Variants in HMGCLL1 observed in about 807,000 individuals in gnomAD.
The protein encoded by HMGCLL1 is 3-hydroxymethyl-3-methylglutaryl-CoA lyase, cytoplasmic.
In HMGCLL1, 36 loss-of-function variants were observed where a neutral mutation model predicts 39.1. That is an observed-to-expected ratio of 0.92 (90% CI 0.71 to 1.22). The LOEUF is 1.22. HMGCLL1 is among the 50% of genes most tolerant of loss of function. The probability of loss-of-function intolerance (pLI) is 0.00; values close to 1 mark genes in which losing one functional copy is unlikely to be tolerated. For synonymous variants in HMGCLL1, 149 were observed against 144.0 expected (o/e 1.03, Z -0.25); for missense variants, 451 against 416.5 (o/e 1.08, Z -0.72).
chr6:55,653,116 A>G, the HMGCLL1 span, among the ~76,000 whole-genome samples: 3 of 152,094 alleles, frequency 2.0e-5, no homozygotes, highest in East Asian at 3.9e-4. Context: ...ATTCCATATT[A>G]TATCATTATC....
At chr6:55,459,842 G>T (rs1764480728) in intron 7 of HMGCLL1, among the ~76,000 whole-genome samples, 1 of 151,760 alleles carries the variant, frequency 6.6e-6, no homozygotes, top group African/African-American at 2.4e-5. Context: ...TATATAGGTA[G>T]GTAAATATAT....
At chr6:55,458,566 A>T (rs2127394181) in intron 7 of HMGCLL1, among the ~76,000 whole-genome samples, 1 of 152,296 alleles carries the variant, frequency 6.6e-6, no homozygotes, top group African/African-American at 2.4e-5. Context: ...TGCTTTGACA[A>T]GGAGGAGTAT....
the HMGCLL1 span, among the ~76,000 whole-genome samples, chr6:55,666,378 A>C: frequency 6.6e-6 from 1 of 151,714 alleles, no homozygotes; most frequent in African/African-American, 2.4e-5. Flanking sequence ...AGTTTCAGAA[A>C]TCAGTTACTG....
chr6:55,460,295 T>C (rs1764500799), intron 7 of HMGCLL1, among the ~76,000 whole-genome samples: 1 of 151,954 alleles, frequency 6.6e-6, no homozygotes, highest in Admixed American at 6.6e-5. Flanking sequence ...TAATTTATTT[T>C]AATATATATA....
the HMGCLL1 span, among the ~76,000 whole-genome samples, chr6:55,675,851 G>T: frequency 6.6e-6 from 1 of 151,886 alleles, no homozygotes; most frequent in Non-Finnish European, 1.5e-5. Context: ...ATCGTTCTTT[G>T]TGTTTGTGTG....
the HMGCLL1 span, among the ~76,000 whole-genome samples, chr6:55,650,102 T>TATATACACACACATATAC: frequency 2.3e-5 from 1 of 43,136 alleles, no homozygotes; most frequent in African/African-American, 1.6e-4. Context: ...TATATATATA[T>TATATACACACACATATAC]ATATATATAT....
rs751659932 is a variant in HMGCLL1, at chr6:55,499,223, A to G, written c.606+13T>C. ...TGTTACCATAAACCAAAAAAGCTGAAGATGTAGCTTACTTCTGTCACTTTT... is the reference window on the plus strand; with the variant it reads ...TGTTACCATAAACCAAAAAAGCTGAGGATGTAGCTTACTTCTGTCACTTTT... On this transcript the variant is annotated intron_variant, in intron 6 of 8. Coordinates refer to ENST00000274901, the MANE Select transcript of HMGCLL1 (RefSeq NM_001042406.2). 10 of 1,601,252 alleles carry G rather than the reference A, an allele frequency of 6.2e-6. 1 individual carries two copies. The South Asian group carries it at 1.1e-4, about 18-fold the overall frequency.
the HMGCLL1 span, among the ~76,000 whole-genome samples, chr6:55,635,513 T>C: frequency 6.6e-6 from 1 of 152,314 alleles, no homozygotes. Context: ...ATATTTAATA[T>C]TCTGTAGTTG....
the HMGCLL1 span, among the ~76,000 whole-genome samples, chr6:55,588,614 G>A: frequency 4.8e-4 from 73 of 152,116 alleles, no homozygotes; most frequent in African/African-American, 1.8e-3. Context: ...AATGAATCCA[G>A]GAGCTGGTTT....
upstream of HMGCLL1, among the ~76,000 whole-genome samples, chr6:55,582,845 G>A (rs567349159): frequency 5.0e-4 from 76 of 151,514 alleles, no homozygotes; most frequent in East Asian, 4.6e-3. Context: ...GATGCTATTG[G>A]CTGTACGATA....
chr6:55,662,577 G>T, the HMGCLL1 span, among the ~76,000 whole-genome samples: 1 of 151,784 alleles, frequency 6.6e-6, no homozygotes, highest in East Asian at 1.9e-4. Context: ...TGCTGAATTT[G>T]GTTTGCAAGA....
At chr6:55,498,866 G>A (rs1766721955) in intron 6 of HMGCLL1, among the ~76,000 whole-genome samples, 1 of 152,104 alleles carries the variant, frequency 6.6e-6, no homozygotes, top group South Asian at 2.1e-4. Flanking sequence ...AAACAGGGAT[G>A]CTGCCTAAGC....
At chr6:55,548,192 A>G (rs950659729) in intron 1 of HMGCLL1, among the ~76,000 whole-genome samples, 7 of 152,088 alleles carry the variant, frequency 4.6e-5, no homozygotes, top group Non-Finnish European at 8.8e-5. Flanking sequence ...GCAGTTTTTG[A>G]ACAGCCAGAA....
intron 1 of HMGCLL1, among the ~76,000 whole-genome samples, chr6:55,576,361 G>A (rs940687507): frequency 1.3e-5 from 2 of 152,172 alleles, no homozygotes; most frequent in Non-Finnish European, 2.9e-5. Flanking sequence ...AAAGGCCACT[G>A]TGGCTAAAGT....
chr6:55,645,946 T>C, the HMGCLL1 span, among the ~76,000 whole-genome samples: 3 of 151,924 alleles, frequency 2.0e-5, no homozygotes, highest in Non-Finnish European at 2.9e-5. Flanking sequence ...TTCTATGATT[T>C]GGAATAATTT....
chr6:55,632,025 T>C, the HMGCLL1 span, among the ~76,000 whole-genome samples: 1 of 152,154 alleles, frequency 6.6e-6, no homozygotes, highest in Non-Finnish European at 1.5e-5. Context: ...ATTAAGGTTT[T>C]TTTGTTTGTT....
At chr6:55,467,470 C>T (rs1214305703) in intron 7 of HMGCLL1, among the ~76,000 whole-genome samples, 1 of 152,012 alleles carries the variant, frequency 6.6e-6, no homozygotes, top group African/African-American at 2.4e-5. Context: ...AAATTATATA[C>T]AGATAAGAGC....
intron 7 of HMGCLL1, among the ~76,000 whole-genome samples, chr6:55,490,484 T>C (rs2127419939): frequency 6.6e-6 from 1 of 152,320 alleles, no homozygotes; most frequent in East Asian, 1.9e-4. Flanking sequence ...TCAATTTTTC[T>C]ACTACTTGCC....
At chr6:55,549,655 T>C (rs1398166993) in intron 1 of HMGCLL1, among the ~76,000 whole-genome samples, 2 of 151,954 alleles carry the variant, frequency 1.3e-5, no homozygotes, top group Non-Finnish European at 2.9e-5. Context: ...TAGCAGTGTG[T>C]TAGCTGAGGA....
Sources: gnomAD v4.1 joint callset for allele counts (sites outside exome capture counted in the v4.1 genomes callset) on GRCh38, gnomAD v4.1.1 for gene constraint, MANE v1.5 for transcripts, NCBI Gene and HGNC (gene_info 2026-07-23, HGNC 2026-07-21) for gene names.